CSNK1G1: variants seen among roughly 807,000 people sequenced by gnomAD.
CSNK1G1 encodes casein kinase 1 gamma 1, also known as casein kinase I isoform gamma-1.
A neutral mutation model predicts 59.6 loss-of-function variants in CSNK1G1; 22 were observed. The ratio of observed to expected loss-of-function variants is 0.37; its 90% CI spans 0.26 to 0.53. The LOEUF (loss-of-function observed/expected upper bound fraction) is 0.53, where lower values mean the gene tolerates loss of function less well. Among genes scored for constraint, CSNK1G1 ranks in the 20% least tolerant of loss-of-function variants. CSNK1G1 has a pLI of 0.89. For synonymous variants in CSNK1G1, 179 were observed against 177.1 expected (o/e 1.01, Z -0.08); for missense variants, 384 against 519.5 (o/e 0.74, Z 2.54).
intron 9 of CSNK1G1, among the ~76,000 whole-genome samples, chr15:64,203,823 C>T (rs552921003): frequency 1.3e-5 from 2 of 151,358 alleles, no homozygotes; most frequent in African/African-American, 2.4e-5. Context: ...AGGTCAAGTA[C>T]ATTAACAGCG....
chr15:64,334,053 T>G (rs934348569), intron 1 of CSNK1G1, among the ~76,000 whole-genome samples: 1 of 152,178 alleles, frequency 6.6e-6, no homozygotes, highest in Non-Finnish European at 1.5e-5. Context: ...GGATTTAAAC[T>G]GCACTTGAGA....
At chr15:64,289,095 A>C (rs2140381324) in intron 2 of CSNK1G1, among the ~76,000 whole-genome samples, 1 of 151,724 alleles carries the variant, frequency 6.6e-6, no homozygotes, top group East Asian at 1.9e-4. Context: ...CACGAGAATC[A>C]CTTGAACCCA....
At chr15:64,340,514 A>C (rs1441722384) in intron 1 of CSNK1G1, among the ~76,000 whole-genome samples, 1 of 152,190 alleles carries the variant, frequency 6.6e-6, no homozygotes, top group Non-Finnish European at 1.5e-5. Context: ...CTGGTAAACT[A>C]AACCTTTTAT....
rs1892097043 is a variant in CSNK1G1, at chr15:64,251,726, G to C, written c.223-145C>G. ...TAAGAGCCTTTTCTAACCACAATTG[G>C]TCTTGGACAGTATAGCTAAGAGAAG... On this transcript the variant is annotated intron_variant, in intron 3 of 11. Transcript: ENST00000303052. 3 of 595,960 alleles carry C rather than the reference G, an allele frequency of 5.0e-6. No homozygotes were observed. In the East Asian group the frequency reaches 8.4e-5, roughly 17 times the overall value. 36.9% of individuals were successfully genotyped at this position (595,960 alleles called of 1,614,324 possible).
At chr15:64,320,057 A>G (rs1225892337) in intron 1 of CSNK1G1, among the ~76,000 whole-genome samples, 1 of 151,206 alleles carries the variant, frequency 6.6e-6, no homozygotes, top group East Asian at 2.0e-4. Flanking sequence ...AGTGAGCACC[A>G]TGACATCTGG....
chr15:64,211,737 T>C (rs918719649), intron 6 of CSNK1G1, among the ~76,000 whole-genome samples: 1 of 152,224 alleles, frequency 6.6e-6, no homozygotes, highest in Non-Finnish European at 1.5e-5. Flanking sequence ...AAGAAGGTTA[T>C]TGGATCAAAA....
At chr15:64,341,936 C>T (rs767914586) in intron 1 of CSNK1G1, among the ~76,000 whole-genome samples, 18 of 152,182 alleles carry the variant, frequency 1.2e-4, no homozygotes, top group Non-Finnish European at 2.4e-4. Context: ...TTGAAAGTTA[C>T]TTCGAACTTT....
At position 64,269,492 on chromosome 15, in the gene CSNK1G1, ATT is replaced by A. The variant is rs36065606; in HGVS notation, c.182-10253_182-10252del. Among the ~76,000 whole-genome samples the A allele has an allele frequency of 8.8e-4, 103 of 117,186 alleles. 1 individual carries two copies. The highest frequency in any genetic ancestry group is 2.2e-3 in the African/African-American group (70 of 31,300). 76.9% of individuals were successfully genotyped at this position (117,186 alleles called of 152,430 possible). A position where few individuals can be genotyped will look rare whatever the true frequency, so the allele number is the denominator to read the frequency against. On this transcript the variant is annotated intron_variant, in intron 2 of 11. Transcript: ENST00000303052. ...GTGTTTGTAGCAGTTTCTGATGGCTATTTTTTTTTTTTTTTTTTTGAGACGGA... is the reference window on the plus strand; with the variant it reads ...GTGTTTGTAGCAGTTTCTGATGGCTATTTTTTTTTTTTTTTTTGAGACGGA...
chr15:64,252,983 G>A (rs867438412), intron 3 of CSNK1G1, among the ~76,000 whole-genome samples: 29 of 152,268 alleles, frequency 1.9e-4, no homozygotes, highest in African/African-American at 6.7e-4. Flanking sequence ...TGAGGCAGGA[G>A]GATCACTGGA....
intron 9 of CSNK1G1, among the ~76,000 whole-genome samples, chr15:64,204,147 T>G (rs2082146425): frequency 6.6e-6 from 1 of 151,120 alleles, no homozygotes; most frequent in African/African-American, 2.4e-5. Context: ...ACAAACAAAC[T>G]TCTGAATCAT....
At position 64,288,651 on chromosome 15, in the gene CSNK1G1, G is replaced by A. The variant is rs75075345; in HGVS notation, c.181+11668C>T. Among the ~76,000 whole-genome samples, 1,514 of 151,492 alleles carry A rather than the reference G, an allele frequency of 1.0e-2. 29 individuals carry two copies. Among genetic ancestry groups the A allele is most frequent in the African/African-American group, 0.035 (1,455 of 41,318 alleles). On this transcript the variant is annotated intron_variant, in intron 2 of 11. Transcript: ENST00000303052. ...AACCCCAACATAGAAAAAAAAAATT[G>A]AATCAATCCAGCATCACCTGCTCTT...
At chr15:64,291,455 G>C (rs1246526877) in intron 2 of CSNK1G1, among the ~76,000 whole-genome samples, 1 of 152,110 alleles carries the variant, frequency 6.6e-6, no homozygotes, top group Non-Finnish European at 1.5e-5. Context: ...GGGTGTGGTG[G>C]TGGGCACCTG....
chr15:64,205,078 C>T (rs1196225045), intron 7 of CSNK1G1, 129 bp from the exon 8 acceptor site: 4 of 555,992 alleles, frequency 7.2e-6, no homozygotes, highest in Non-Finnish European at 1.3e-5. Flanking sequence ...TTTTTTCTAA[C>T]ACTAACAAAT....
chr15:64,234,798 C>A (rs1029368537), intron 4 of CSNK1G1, among the ~76,000 whole-genome samples: 1 of 151,876 alleles, frequency 6.6e-6, no homozygotes, highest in Non-Finnish European at 1.5e-5. Context: ...AGTGGTGGGC[C>A]CATGTGGTTC....
At chr15:64,320,690 A>AAAAAAAG (rs1214082756) in intron 1 of CSNK1G1, among the ~76,000 whole-genome samples, 7 of 151,160 alleles carry the variant, frequency 4.6e-5, no homozygotes, top group African/African-American at 1.7e-4. Context: ...AAAAAAAAAA[A>AAAAAAAG]AAAAAAGAAA....
chr15:64,323,602 T>C (rs1386353796), intron 1 of CSNK1G1, among the ~76,000 whole-genome samples: 4 of 152,132 alleles, frequency 2.6e-5, no homozygotes, highest in Non-Finnish European at 5.9e-5. Context: ...TGACCTCAGG[T>C]GATCCACCCG....
At chr15:64,288,108 T>A (rs1281789827) in intron 2 of CSNK1G1, among the ~76,000 whole-genome samples, 1 of 152,118 alleles carries the variant, frequency 6.6e-6, no homozygotes. Context: ...AAAAAATTAA[T>A]GAAAGGTATA....
intron 1 of CSNK1G1, among the ~76,000 whole-genome samples, chr15:64,311,022 A>G (rs1183272486): frequency 6.6e-6 from 1 of 151,648 alleles, no homozygotes; most frequent in Admixed American, 6.6e-5. Flanking sequence ...AAAAAAAGGA[A>G]AAAAGAAAAA....
chr15:64,274,058 C>T (rs1893471661), intron 2 of CSNK1G1, among the ~76,000 whole-genome samples: 1 of 152,178 alleles, frequency 6.6e-6, no homozygotes, highest in Non-Finnish European at 1.5e-5. Flanking sequence ...GCCTATGTAA[C>T]ACCCAACATA....
Sources: gnomAD v4.1 joint callset for allele counts (sites outside exome capture counted in the v4.1 genomes callset) on GRCh38, gnomAD v4.1.1 for gene constraint, MANE v1.5 for transcripts, NCBI Gene and HGNC (gene_info 2026-07-23, HGNC 2026-07-21) for gene names.